Variants in MICAL3 observed in about 807,000 individuals in gnomAD.
MICAL3 encodes the protein microtubule associated monooxygenase, calponin and LIM domain containing 3.
Under a neutral mutation model 207.4 loss-of-function variants are expected in MICAL3, and 62 were observed. The observed-to-expected ratio is 0.30, with a 90% CI of 0.24 to 0.37. The LOEUF is 0.37. MICAL3 is among the 10% of genes least tolerant of loss of function. MICAL3 has a pLI of 1.00. For synonymous variants in MICAL3, 1,077 were observed against 1,069.3 expected, an observed-to-expected ratio of 1.01 and a Z score of -0.14; for missense variants, 2,368 against 2,635.6, an observed-to-expected ratio of 0.90 and a Z score of 2.22.
At chr22:17,971,553 T>C (rs1602320010) in intron 1 of MICAL3, among the ~76,000 whole-genome samples, 1 of 152,162 alleles carries the variant, frequency 6.6e-6, no homozygotes, top group Non-Finnish European at 1.5e-5. Flanking sequence ...CTAGCATTCA[T>C]CTAGCATACA....
At chr22:17,946,712 T>C (rs1934085207) in intron 1 of MICAL3, among the ~76,000 whole-genome samples, 1 of 152,192 alleles carries the variant, frequency 6.6e-6, no homozygotes, top group African/African-American at 2.4e-5. Flanking sequence ...CAATGGCTAA[T>C]GTGATGTTTA....
intron 19 of MICAL3, chr22:17,863,788 G>A (rs551034229): frequency 3.0e-6 from 3 of 985,440 alleles, no homozygotes; most frequent in South Asian, 9.4e-5. Context: ...GCAACTCTGG[G>A]AACCTCTCGT....
At chr22:17,939,824 G>C (rs998960499) in intron 1 of MICAL3, among the ~76,000 whole-genome samples, 1 of 151,958 alleles carries the variant, frequency 6.6e-6, no homozygotes, top group South Asian at 2.1e-4. Context: ...CCTACCTAAC[G>C]CCAAAAAGAG....
intron 7 of MICAL3, among the ~76,000 whole-genome samples, chr22:17,897,229 C>G (rs756659798): frequency 1.3e-5 from 2 of 151,982 alleles, no homozygotes; most frequent in Non-Finnish European, 2.9e-5. Flanking sequence ...TCGAGACCAG[C>G]CTGGTCAACA....
intron 22 of MICAL3, among the ~76,000 whole-genome samples, chr22:17,824,090 A>C (rs1011505305): frequency 7.0e-6 from 1 of 142,548 alleles, no homozygotes; most frequent in African/African-American, 3.0e-5. Context: ...GCACGCACAC[A>C]CCGTCCCCAC....
intron 20 of MICAL3, among the ~76,000 whole-genome samples, chr22:17,833,353 C>T (rs1923020824): frequency 6.6e-6 from 1 of 152,234 alleles, no homozygotes. Flanking sequence ...ACGTTAAAGC[C>T]ATGGCCCGAC....
intron 2 of MICAL3, 132 bp downstream of exon 2, chr22:17,906,417 G>T: frequency 6.4e-7 from 1 of 1,563,044 alleles, no homozygotes; most frequent in Non-Finnish European, 8.8e-7. Context: ...CTCTGGCACA[G>T]AACTTGCCAT....
At chr22:17,973,060 G>C (rs541976354) in intron 1 of MICAL3, among the ~76,000 whole-genome samples, 1 of 152,252 alleles carries the variant, frequency 6.6e-6, no homozygotes, top group Non-Finnish European at 1.5e-5. Context: ...GTTCTTTAAG[G>C]AGCATCCTGT....
intron 1 of MICAL3, among the ~76,000 whole-genome samples, chr22:17,929,032 A>T (rs919484500): frequency 1.3e-5 from 2 of 150,380 alleles, no homozygotes; most frequent in Admixed American, 6.6e-5. Flanking sequence ...TGACCTTGTG[A>T]TCTGCCCGCC....
intron 1 of MICAL3, among the ~76,000 whole-genome samples, chr22:17,960,863 G>A (rs1404074146): frequency 6.6e-6 from 1 of 152,170 alleles, no homozygotes; most frequent in Non-Finnish European, 1.5e-5. Context: ...GGGGTCACTG[G>A]GAGTCCTCCA....
chr22:17,912,404 G>C (rs181181181), intron 1 of MICAL3, among the ~76,000 whole-genome samples: 5 of 151,810 alleles, frequency 3.3e-5, no homozygotes, highest in African/African-American at 9.7e-5. Flanking sequence ...TTTTGATAGG[G>C]ATTACACTGA....
chr22:17,946,573 C>T (rs1258521708), intron 1 of MICAL3, among the ~76,000 whole-genome samples: 1 of 152,160 alleles, frequency 6.6e-6, no homozygotes, highest in South Asian at 2.1e-4. Context: ...GTCATCTTAG[C>T]GCCACACACA....
At chr22:17,830,967 G>T (rs544998274) in intron 21 of MICAL3, among the ~76,000 whole-genome samples, 1 of 152,192 alleles carries the variant, frequency 6.6e-6, no homozygotes, top group East Asian at 1.9e-4. Context: ...ACAGACCCCC[G>T]GATGGGACTG....
At chr22:18,020,725 G>A (rs1009921507) in intron 1 of MICAL3, among the ~76,000 whole-genome samples, 1 of 150,892 alleles carries the variant, frequency 6.6e-6, no homozygotes, top group African/African-American at 2.4e-5. Context: ...ACACCAGCCT[G>A]GCCAACATGG....
At chr22:17,802,805 C>T (rs761720360) in intron 29 of MICAL3, among the ~76,000 whole-genome samples, 10 of 152,088 alleles carry the variant, frequency 6.6e-5, no homozygotes, top group Non-Finnish European at 1.3e-4. Flanking sequence ...GGAGCCTCCA[C>T]GGGGAGATGA....
intron 1 of MICAL3, among the ~76,000 whole-genome samples, chr22:18,020,913 C>CAAATAAATAAATAAATAAATAAAT (rs200685200): frequency 1.5e-5 from 2 of 134,214 alleles, no homozygotes; most frequent in Non-Finnish European, 3.1e-5. Context: ...GACCCTGTCT[C>CAAATAAATAAATAAATAAATAAAT]AAATAAATAA....
chr22:17,895,778 C>G (rs192554777), intron 9 of MICAL3, among the ~76,000 whole-genome samples: 1 of 152,064 alleles, frequency 6.6e-6, no homozygotes. Flanking sequence ...AGTCAGAATA[C>G]CTTAAATAAG....
chr22:17,933,477 T>C (rs909427533), intron 1 of MICAL3, among the ~76,000 whole-genome samples: 3 of 152,166 alleles, frequency 2.0e-5, no homozygotes, highest in African/African-American at 7.2e-5. Context: ...AAGCAGAGTG[T>C]AGAGGGAAAT....
intron 1 of MICAL3, chr22:18,006,719 G>A (rs1012709902): frequency 6.6e-6 from 1 of 152,262 alleles, no homozygotes; most frequent in Non-Finnish European, 1.5e-5. Context: ...TATAATCCCA[G>A]CTACTGGGGA....
Sources: gnomAD v4.1 joint callset for allele counts (sites outside exome capture counted in the v4.1 genomes callset) on GRCh38, gnomAD v4.1.1 for gene constraint, MANE v1.5 for transcripts, NCBI Gene and HGNC (gene_info 2026-07-23, HGNC 2026-07-21) for gene names.